The following PPWD1 variants were observed in gnomAD, a reference collection of about 807,000 sequenced individuals.
The protein encoded by PPWD1 is peptidylprolyl isomerase domain and WD repeat-containing protein 1.
A neutral mutation model predicts 68.8 loss-of-function variants in PPWD1; 43 were observed. That is an observed-to-expected ratio of 0.62 (90% CI 0.49 to 0.81). The LOEUF (loss-of-function observed/expected upper bound fraction) is 0.81. Ranked by LOEUF, PPWD1 falls within the 30% of genes least tolerant of loss-of-function variation. The pLI is 0.00. For synonymous variants in PPWD1, 232 were observed against 258.7 expected (o/e 0.90, Z 0.99); for missense variants, 672 against 804.8 (o/e 0.83, Z 2.00).
At chr5:65,565,368 G>A (rs1328655392) in intron 1 of PPWD1, among the ~76,000 whole-genome samples, 1 of 152,184 alleles carries the variant, frequency 6.6e-6, no homozygotes, top group African/African-American at 2.4e-5. Flanking sequence ...CGAGTAAGGA[G>A]AAATGTAAAA....
Position 65,587,522 on chromosome 5 carries a change from T to A in PPWD1, c.*126T>A, listed in dbSNP as rs1753900232. 1.3e-6 allele frequency: 1 copy of A among 762,040 alleles called. No individual in the cohort carries two copies. Among genetic ancestry groups the A allele is most frequent in the South Asian group, 3.6e-5 (1 of 27,704 alleles). 47.2% of individuals were successfully genotyped at this position (762,040 alleles called of 1,614,324 possible). Reference sequence around the variant, plus strand: ...TCAAAGATACAGTATTTTTGTATTTTTTATTAAAGGCTATTTTTTAAAAAT... The same window carrying A: ...TCAAAGATACAGTATTTTTGTATTTATTATTAAAGGCTATTTTTTAAAAAT... On this transcript the variant is annotated 3_prime_UTR_variant, in exon 11 of 11. Transcript: ENST00000261308.
intron 2 of PPWD1, chr5:65,569,033 T>C (rs1324926396): frequency 6.6e-6 from 3 of 455,604 alleles, no homozygotes; most frequent in Non-Finnish European, 4.4e-6. Flanking sequence ...TTCCTACTTA[T>C]AAAATGATGA....
chr5:65,576,277 A>T (rs1753275391), intron 5 of PPWD1: 1 of 978,352 alleles, frequency 1.0e-6, no homozygotes. Context: ...TGACTTTTAA[A>T]AGGCAGCAGA....
At chr5:65,577,194 TAACCA>T (rs914303087) in intron 6 of PPWD1, 125 bp downstream of exon 6, 2 of 1,378,350 alleles carry the variant, frequency 1.5e-6, no homozygotes, top group African/African-American at 2.9e-5. Flanking sequence ...TGTCTAAACT[TAACCA>T]AATGTTTTGA....
intron 4 of PPWD1, among the ~76,000 whole-genome samples, chr5:65,571,155 T>TGAA (rs1435302106): frequency 6.6e-6 from 1 of 152,170 alleles, no homozygotes; most frequent in African/African-American, 2.4e-5. Flanking sequence ...TAGAAATTCT[T>TGAA]GAAGAAGAGG....
In PPWD1 at chr5:65,571,876, G is replaced by A; in HGVS notation, c.559G>A (p.Gly187Arg). Residue 187 changes from glycine (G) to arginine (R), a missense_variant, in exon 5 of 11, where the codon GGG (glycine) becomes AGG (arginine). Around this residue, in one of 2 missense-constraint regions of PPWD1, gnomAD observed 484 missense variants for 646.2 expected, o/e 0.75. Transcript: ENST00000261308. Reference sequence around the variant, plus strand: ...ACAGTGTGAGTGGATCTATTGCCCAGGGGATGCAATTTCTTCAGTTGCTGC... The same window carrying A: ...ACAGTGTGAGTGGATCTATTGCCCAAGGGATGCAATTTCTTCAGTTGCTGC... ...PGQCEWIYCP[G>R]DAISSVAASE... is the part of the protein sequence containing the mutation. 6.2e-7 allele frequency: 1 copy of A among 1,613,974 alleles called. No individual in the cohort carries two copies. Among genetic ancestry groups the A allele is most frequent in the Non-Finnish European group, 8.5e-7 (1 of 1,179,936 alleles).
At chr5:65,575,776 T>C (rs1227972644) in intron 5 of PPWD1, among the ~76,000 whole-genome samples, 4 of 152,248 alleles carry the variant, frequency 2.6e-5, no homozygotes, top group Admixed American at 6.5e-5. Flanking sequence ...AGGACACTTA[T>C]AGAAATAGTC....
At chr5:65,581,420 A>C (rs996112088) in intron 7 of PPWD1, among the ~76,000 whole-genome samples, 2 of 152,124 alleles carry the variant, frequency 1.3e-5, no homozygotes, top group Non-Finnish European at 2.9e-5. Flanking sequence ...CCTCATCTCT[A>C]CAAAAAATTT....
intron 3 of PPWD1, 70 bp downstream of exon 3, chr5:65,569,802 A>AT (rs1021532694): frequency 9.0e-6 from 14 of 1,548,928 alleles, no homozygotes; most frequent in Middle Eastern, 1.7e-4. Flanking sequence ...AATTTTTTAA[A>AT]TTTTTTTTCT....
chr5:65,586,921 G>C (rs1052501183), intron 10 of PPWD1, among the ~76,000 whole-genome samples: 12 of 152,108 alleles, frequency 7.9e-5, no homozygotes, highest in African/African-American at 2.9e-4. Flanking sequence ...AACTGTTCAG[G>C]TAAGAGTCCT....
intron 6 of PPWD1, 95 bp downstream of exon 6, chr5:65,577,164 A>G (rs1274823909): frequency 2.0e-6 from 3 of 1,465,836 alleles, no homozygotes; most frequent in Admixed American, 2.3e-5. Context: ...TTGTTCCAAG[A>G]AAAGTGGAAT....
At chr5:65,570,145 C>G (rs529249412) in intron 4 of PPWD1, 147 bp downstream of exon 4, 1 of 1,227,548 alleles carries the variant, frequency 8.1e-7, no homozygotes, top group African/African-American at 1.5e-5. Context: ...AAATTAGATA[C>G]AGTGAAGCCT....
chr5:65,576,095 T>C (rs1438711545), intron 5 of PPWD1, among the ~76,000 whole-genome samples: 6 of 137,294 alleles, frequency 4.4e-5, no homozygotes, highest in Non-Finnish European at 7.8e-5. Flanking sequence ...TTTAAAAGAA[T>C]GTAAGTTATC....
intron 7 of PPWD1, among the ~76,000 whole-genome samples, chr5:65,581,118 T>C (rs1032495802): frequency 6.6e-6 from 1 of 152,140 alleles, no homozygotes; most frequent in African/African-American, 2.4e-5. Context: ...ATGTATGAAA[T>C]AGCAGTTTCC....
intron 1 of PPWD1, among the ~76,000 whole-genome samples, chr5:65,565,439 A>ATT (rs1752703803): frequency 6.6e-6 from 1 of 152,234 alleles, no homozygotes; most frequent in Admixed American, 6.5e-5. Context: ...TAAACTTAAT[A>ATT]TAACGGAGAC....
intron 8 of PPWD1, 133 bp from the exon 9 acceptor site, chr5:65,584,878 GAAA>G: frequency 8.6e-7 from 1 of 1,162,816 alleles, no homozygotes; most frequent in Non-Finnish European, 1.1e-6. Flanking sequence ...TAGAGATTAT[GAAA>G]AAAAAAAACA....
At chr5:65,579,649 TC>T (rs1753509853) in intron 7 of PPWD1, 36 bp downstream of exon 7, 1 of 1,368,542 alleles carries the variant, frequency 7.3e-7, no homozygotes, top group Non-Finnish European at 9.6e-7. Context: ...ACGGTAATGT[TC>T]CTTCCAGTTT....
chr5:65,582,731 G>A (rs1753648704), intron 7 of PPWD1: 2 of 180,366 alleles, frequency 1.1e-5, no homozygotes, highest in Non-Finnish European at 2.3e-5. Flanking sequence ...GGCATAAGTC[G>A]AGAGCTACCA....
Position 65,586,100 on chromosome 5 carries a change from T to C in PPWD1, c.1716T>C (p.His572=), listed in dbSNP as rs1276117893. Residue 572 remains histidine, a synonymous_variant, in exon 10 of 11, where the codon CAT becomes CAC. Coordinates refer to ENST00000261308, the MANE Select transcript of PPWD1 (RefSeq NM_015342.4). The part of the protein sequence containing the change: ...FEDEFHSTLR[H]DRPYTLSMAN... ...ATGAATTTCATTCAACATTACGACATGACAGGCCATACACACTCAGCATGG... is the reference window on the plus strand; with the variant it reads ...ATGAATTTCATTCAACATTACGACACGACAGGCCATACACACTCAGCATGG... The C allele has an allele frequency of 6.2e-7, 1 of 1,613,482 alleles. No homozygotes were observed. The highest frequency in any genetic ancestry group is 2.2e-5 in the East Asian group (1 of 44,876).
Sources: gnomAD v4.1 joint callset for allele counts (sites outside exome capture counted in the v4.1 genomes callset) on GRCh38, gnomAD v4.1.1 for gene constraint, gnomAD v4.1.1 regional missense constraint, MANE v1.5 for transcripts, NCBI Gene and HGNC (gene_info 2026-07-23, HGNC 2026-07-21) for gene names.